UTRN: variants seen among roughly 807,000 people sequenced by gnomAD.
The protein encoded by UTRN is dystrophin-related protein 1.
UTRN carries 283 observed loss-of-function variants against 463.9 expected under a neutral mutation model. The ratio of observed to expected loss-of-function variants is 0.61; its 90% confidence interval spans 0.55 to 0.67. UTRN has a LOEUF of 0.67. UTRN is among the 30% of genes least tolerant of loss of function. The pLI is 0.00. For synonymous variants in UTRN, 1,442 were observed against 1,431.5 expected (o/e 1.01, Z -0.17); for missense variants, 3,922 against 4,084.3 (o/e 0.96, Z 1.08).
intron 51 of UTRN, among the ~76,000 whole-genome samples, chr6:144,614,087 G>C (rs1400213599): frequency 6.6e-6 from 1 of 151,788 alleles, no homozygotes; most frequent in Non-Finnish European, 1.5e-5. Context: ...CTCAACACTA[G>C]AAGTCTCAGC....
intron 51 of UTRN, among the ~76,000 whole-genome samples, chr6:144,644,696 C>T (rs1322957740): frequency 6.6e-6 from 1 of 152,114 alleles, no homozygotes; most frequent in African/African-American, 2.4e-5. Context: ...GAGAAACCAA[C>T]TTTATCTCAA....
intron 17 of UTRN, among the ~76,000 whole-genome samples, chr6:144,450,610 G>T (rs1043077741): frequency 2.6e-5 from 4 of 152,136 alleles, no homozygotes; most frequent in Non-Finnish European, 5.9e-5. Flanking sequence ...GCTGAGATTT[G>T]TATCTGGTTC....
chr6:144,784,259 G>A (rs1471553074), intron 61 of UTRN, among the ~76,000 whole-genome samples: 1 of 152,144 alleles, frequency 6.6e-6, no homozygotes, highest in Non-Finnish European at 1.5e-5. Flanking sequence ...GTTTTCTGGG[G>A]CTGCCATAAC....
intron 34 of UTRN, among the ~76,000 whole-genome samples, chr6:144,502,660 GA>G (rs1344132829): frequency 1.3e-5 from 2 of 152,264 alleles, no homozygotes; most frequent in African/African-American, 4.8e-5. Context: ...GTCTAACATT[GA>G]TGGGCATTTG....
At position 144,568,423 on chromosome 6, in the gene UTRN, G is replaced by A. The variant is rs115886429; in HGVS notation, c.7290-8676G>A. Among the ~76,000 whole-genome samples, 581 of 152,158 alleles carry A rather than the reference G, an allele frequency of 3.8e-3. 1 individual carries two copies. The highest frequency in any genetic ancestry group is 0.014 in the African/African-American group (564 of 41,502). On this transcript the variant is annotated intron_variant, in intron 50 of 74. Transcript: ENST00000367545. Reference sequence around the variant, plus strand: ...TAAAATCATTTCTTTTCCTGTAACAGCATTCCTTCCCTTGTATTATCTCGT... The same window carrying A: ...TAAAATCATTTCTTTTCCTGTAACAACATTCCTTCCCTTGTATTATCTCGT...
chr6:144,367,285 C>T (rs1779598269), intron 2 of UTRN, among the ~76,000 whole-genome samples: 2 of 151,392 alleles, frequency 1.3e-5, no homozygotes, highest in African/African-American at 4.9e-5. Flanking sequence ...GTGCCCGGCC[C>T]CTCTACCTGC....
intron 2 of UTRN, among the ~76,000 whole-genome samples, chr6:144,368,461 A>G (rs1393298523): frequency 6.6e-6 from 1 of 152,192 alleles, no homozygotes; most frequent in Non-Finnish European, 1.5e-5. Context: ...AGAGAAACAT[A>G]TCTTTACCAT....
At position 144,426,455 on chromosome 6, in the gene UTRN, C is replaced by T. The variant is rs770141248; in HGVS notation, c.574C>T (p.His192Tyr). 12 of 1,613,252 alleles carry T rather than the reference C, an allele frequency of 7.4e-6. No individual in the cohort carries two copies. The South Asian group carries it at 1.3e-4, about 18-fold the overall frequency. ...GLAFNAVLHR[H>Y]KPDLFSWDKV... Reference sequence around the variant, plus strand: ...CGCCTTTAATGCTGTCCTCCACCGACATAAGTGAGACATTACTCTATCTAG... The same window carrying T: ...CGCCTTTAATGCTGTCCTCCACCGATATAAGTGAGACATTACTCTATCTAG... The change falls in exon 7 of 75, where the codon CAT becomes TAT. Residue 192 changes from histidine (H) to tyrosine (Y), a missense_variant. By Grantham distance (83) the His-to-Tyr change is moderately conservative. Coordinates refer to ENST00000367545, the MANE Select transcript of UTRN (RefSeq NM_007124.3).
intron 50 of UTRN, among the ~76,000 whole-genome samples, chr6:144,561,587 G>A (rs1799927891): frequency 6.6e-6 from 1 of 152,014 alleles, no homozygotes; most frequent in Non-Finnish European, 1.5e-5. Context: ...TTCTAGGTTT[G>A]TACAGGCAGA....
At chr6:144,734,534 G>A (rs111877280) in intron 54 of UTRN, among the ~76,000 whole-genome samples, 5,419 of 152,074 alleles carry the variant, frequency 0.036, 280 homozygotes, top group African/African-American at 0.11. Flanking sequence ...ATGCTCCTCC[G>A]TCTTCTGGGT....
intron 53 of UTRN, among the ~76,000 whole-genome samples, chr6:144,728,784 C>T (rs985260916): frequency 1.3e-5 from 2 of 152,002 alleles, no homozygotes; most frequent in African/African-American, 4.8e-5. Context: ...GTTCACTTTG[C>T]TCGTTCATTT....
rs1030396084 is a variant in UTRN, at chr6:144,731,270, G to A, written c.7939+784G>A. 9.2e-5 allele frequency among the ~76,000 whole-genome samples: 14 copies of A among 152,128 alleles called. No individual in the cohort carries two copies. In the South Asian group the frequency reaches 2.5e-3, roughly 27 times the overall value. On this transcript the variant is annotated intron_variant, in intron 54 of 74. Transcript: ENST00000367545. ...ATAGTAACTACCCTACTAACAAATAGCAATATATCACATAGTAAACTTAAG... is the reference window on the plus strand; with the variant it reads ...ATAGTAACTACCCTACTAACAAATAACAATATATCACATAGTAAACTTAAG...
At chr6:144,840,969 G>T in intron 73 of UTRN, 137 bp downstream of exon 73, 3 of 915,408 alleles carry the variant, frequency 3.3e-6, no homozygotes, top group East Asian at 5.4e-5. Context: ...TTGAAAATAA[G>T]GCAAACATTA....
At chr6:144,499,236 C>G (rs907706291) in intron 33 of UTRN, 21 bp from the exon 34 acceptor site, 8 of 1,606,016 alleles carry the variant, frequency 5.0e-6, no homozygotes, top group Non-Finnish European at 6.0e-6. Context: ...CTCAGTCTCT[C>G]CCTGCCTCTC....
At chr6:144,824,398 T>G in intron 66 of UTRN, among the ~76,000 whole-genome samples, 1 of 86,088 alleles carries the variant, frequency 1.2e-5, no homozygotes, top group African/African-American at 6.4e-5. Flanking sequence ...GTTTTATATA[T>G]AAAACCATTA....
intron 9 of UTRN, among the ~76,000 whole-genome samples, chr6:144,431,970 A>C (rs1198491840): frequency 6.6e-6 from 1 of 152,044 alleles, no homozygotes; most frequent in South Asian, 2.1e-4. Context: ...TGCAGCCTTC[A>C]TACTCATTTT....
intron 14 of UTRN, among the ~76,000 whole-genome samples, chr6:144,445,822 A>G (rs890795597): frequency 6.6e-6 from 1 of 152,108 alleles, no homozygotes. Flanking sequence ...AGGCGGGCAG[A>G]TCACTTGAGG....
chr6:144,721,845 T>G (rs1787210870), intron 53 of UTRN, among the ~76,000 whole-genome samples: 1 of 151,914 alleles, frequency 6.6e-6, no homozygotes, highest in Non-Finnish European at 1.5e-5. Context: ...AATAATTTCA[T>G]GCACTAAAGT....
intron 62 of UTRN, 81 bp from the exon 63 acceptor site, chr6:144,793,753 C>T: frequency 1.3e-6 from 2 of 1,527,550 alleles, no homozygotes; most frequent in Non-Finnish European, 8.8e-7. Flanking sequence ...CTGCATGGTT[C>T]AGTCCACATT....
Sources: gnomAD v4.1 joint callset for allele counts (sites outside exome capture counted in the v4.1 genomes callset) on GRCh38, gnomAD v4.1.1 for gene constraint, MANE v1.5 for transcripts, NCBI Gene and HGNC (gene_info 2026-07-23, HGNC 2026-07-21) for gene names.